COL22A1: variants seen among roughly 807,000 people sequenced by gnomAD.
The protein encoded by COL22A1 is collagen alpha-1(XXII) chain.
In COL22A1, 221 loss-of-function variants were observed where a neutral mutation model predicts 248.9. That is an observed-to-expected ratio of 0.89 (90% CI 0.80 to 0.99). COL22A1 has a LOEUF of 0.99. COL22A1 is among the 50% of genes least tolerant of loss of function. The pLI, the probability that COL22A1 is intolerant of heterozygous loss-of-function variation, is 0.00. For synonymous variants in COL22A1, 891 were observed against 793.4 expected (o/e 1.12, Z -2.07); for missense variants, 2,240 against 2,179.0 (o/e 1.03, Z -0.56).
chr8:138,675,211 G>C (rs985632259), intron 41 of COL22A1, among the ~76,000 whole-genome samples: 4 of 152,184 alleles, frequency 2.6e-5, no homozygotes, highest in Non-Finnish European at 4.4e-5. Flanking sequence ...TCCAAAATGG[G>C]AGGACGAAGG....
At chr8:138,649,893 T>G (rs1822549518) in intron 45 of COL22A1, 115 bp from the exon 46 acceptor site, 1 of 619,346 alleles carries the variant, frequency 1.6e-6, no homozygotes, top group Non-Finnish European at 2.7e-6. Context: ...GGTTTTTAAA[T>G]TCCAGAGAAG....
At chr8:138,728,178 G>C (rs371534335) in intron 23 of COL22A1, among the ~76,000 whole-genome samples, 4 of 152,124 alleles carry the variant, frequency 2.6e-5, no homozygotes, top group Admixed American at 2.6e-4. Flanking sequence ...GACTACAGGC[G>C]TGTGCTACCA....
At chr8:138,726,972 G>T (rs760046561) in intron 23 of COL22A1, among the ~76,000 whole-genome samples, 9 of 152,150 alleles carry the variant, frequency 5.9e-5, no homozygotes, top group Non-Finnish European at 1.2e-4. Flanking sequence ...TGGACATGGG[G>T]TTATAAGCAG....
intron 32 of COL22A1, among the ~76,000 whole-genome samples, chr8:138,696,770 T>G (rs1464444197): frequency 6.6e-6 from 1 of 152,246 alleles, no homozygotes; most frequent in Non-Finnish European, 1.5e-5. Context: ...TTTCAACGGA[T>G]GCCAGCTCAT....
chr8:138,786,589 C>T (rs539765482), intron 12 of COL22A1, among the ~76,000 whole-genome samples: 1 of 152,346 alleles, frequency 6.6e-6, no homozygotes, highest in East Asian at 1.9e-4. Context: ...GACTCATCAT[C>T]AGCTGCCCAT....
At chr8:138,665,897 G>A (rs952429184) in intron 41 of COL22A1, among the ~76,000 whole-genome samples, 1 of 152,122 alleles carries the variant, frequency 6.6e-6, no homozygotes, top group African/African-American at 2.4e-5. Flanking sequence ...AAATAGAAAT[G>A]TAGAGTCATT....
intron 11 of COL22A1, among the ~76,000 whole-genome samples, chr8:138,797,950 T>A (rs1343826959): frequency 2.0e-5 from 3 of 150,906 alleles, no homozygotes; most frequent in South Asian, 4.3e-4. Context: ...CTATTTTGTC[T>A]AATATTAGTA....
chr8:138,797,408 C>G (rs1816641770), intron 11 of COL22A1, among the ~76,000 whole-genome samples: 1 of 152,132 alleles, frequency 6.6e-6, no homozygotes, highest in South Asian at 2.1e-4. Context: ...CAAGGTTAAT[C>G]CATGTCAGAC....
At chr8:138,609,624 T>A (rs1818701852) in intron 56 of COL22A1, among the ~76,000 whole-genome samples, 2 of 152,172 alleles carry the variant, frequency 1.3e-5, no homozygotes, top group African/African-American at 2.4e-5. Flanking sequence ...CACCAACCCA[T>A]CTGTGTCCCT....
intron 44 of COL22A1, 81 bp from the exon 45 acceptor site, chr8:138,656,025 C>T: frequency 8.5e-7 from 1 of 1,183,048 alleles, no homozygotes; most frequent in Non-Finnish European, 1.2e-6. Context: ...AGCAAAAGGA[C>T]TTTAAAGTGT....
chr8:138,644,672 A>G (rs938657622), intron 47 of COL22A1, among the ~76,000 whole-genome samples: 25 of 152,198 alleles, frequency 1.6e-4, no homozygotes, highest in African/African-American at 6.0e-4. Context: ...GATCATGCTA[A>G]TGCTGCCATT....
chr8:138,726,174 G>C (rs1830292063), intron 23 of COL22A1, among the ~76,000 whole-genome samples: 1 of 151,918 alleles, frequency 6.6e-6, no homozygotes, highest in African/African-American at 2.4e-5. Flanking sequence ...GCTGGGGAGG[G>C]GAGAAACATG....
chr8:138,847,854 A>G (rs1821358213), intron 3 of COL22A1, among the ~76,000 whole-genome samples: 1 of 151,878 alleles, frequency 6.6e-6, no homozygotes, highest in Non-Finnish European at 1.5e-5. Flanking sequence ...GGTTTTCTTC[A>G]CTTGCAGTTG....
chr8:138,665,621 G>A (rs2130727262), intron 41 of COL22A1, among the ~76,000 whole-genome samples: 1 of 152,322 alleles, frequency 6.6e-6, no homozygotes, highest in South Asian at 2.1e-4. Context: ...GGAGCATACA[G>A]AGCAGCTAAA....
chr8:138,902,262 C>T (rs1314709595), intron 1 of COL22A1, among the ~76,000 whole-genome samples: 2 of 152,206 alleles, frequency 1.3e-5, no homozygotes, highest in East Asian at 1.9e-4. Flanking sequence ...TCTCCTTTCC[C>T]TTTATCCTTA....
intron 3 of COL22A1, among the ~76,000 whole-genome samples, chr8:138,869,268 C>A (rs568197676): frequency 6.6e-6 from 1 of 152,298 alleles, no homozygotes; most frequent in African/African-American, 2.4e-5. Flanking sequence ...ATAAGAAAGT[C>A]TCATATTGCA....
At chr8:138,896,415 T>C (rs1028169509) in intron 1 of COL22A1, among the ~76,000 whole-genome samples, 12 of 152,302 alleles carry the variant, frequency 7.9e-5, no homozygotes, top group African/African-American at 2.9e-4. Context: ...AAAACATCCA[T>C]ACTAGTTGAC....
Position 138,716,392 on chromosome 8 carries a change from G to A in COL22A1, c.2401-103C>T, listed in dbSNP as rs1244273527. 4 of 790,460 alleles carry A rather than the reference G, an allele frequency of 5.1e-6. No homozygotes were observed. The East Asian group carries it at 1.1e-4, about 21-fold the overall frequency. The allele number at this position is 790,460 out of a possible 1,614,324, so 49.0% of individuals were successfully genotyped here. On this transcript the variant is annotated intron_variant, in intron 28 of 64. Coordinates refer to ENST00000303045, the MANE Select transcript of COL22A1 (RefSeq NM_152888.3). ...TTCCTGCTCTCCAGGAACTGGAGATGTTCTGGCTTAGTGGACATCACATGG... is the reference window on the plus strand; with the variant it reads ...TTCCTGCTCTCCAGGAACTGGAGATATTCTGGCTTAGTGGACATCACATGG...
At chr8:138,727,165 G>A (rs983789936) in intron 23 of COL22A1, among the ~76,000 whole-genome samples, 1 of 152,136 alleles carries the variant, frequency 6.6e-6, no homozygotes, top group Admixed American at 6.6e-5. Context: ...TTCCAAGCGA[G>A]TTCACCACGC....
Sources: allele counts gnomAD v4.1 joint callset (sites outside exome capture counted in the v4.1 genomes callset), GRCh38; gene constraint gnomAD v4.1.1; transcripts MANE v1.5; gene names NCBI Gene and HGNC (gene_info 2026-07-23, HGNC 2026-07-21).